The following PPARGC1A variants were observed in gnomAD, a reference collection of about 807,000 sequenced individuals.
PPARGC1A encodes the protein peroxisome proliferator-activated receptor gamma coactivator 1-alpha.
PPARGC1A carries 25 observed loss-of-function variants against 88.7 expected under a neutral mutation model. The ratio of observed to expected loss-of-function variants is 0.28; its 90% CI spans 0.21 to 0.39. PPARGC1A has a LOEUF of 0.39. Among genes scored for constraint, PPARGC1A ranks in the 10% least tolerant of loss-of-function variants. The probability of loss-of-function intolerance (pLI) is 1.00; values close to 1 mark genes in which losing one functional copy is unlikely to be tolerated. For synonymous variants in PPARGC1A, 363 were observed against 355.6 expected, an observed-to-expected ratio of 1.02 and a Z score of -0.24; for missense variants, 880 against 968.7, an observed-to-expected ratio of 0.91 and a Z score of 1.22.
the PPARGC1A span, among the ~76,000 whole-genome samples, chr4:24,081,943 C>T: frequency 4.6e-5 from 7 of 151,738 alleles, no homozygotes; most frequent in Admixed American, 3.9e-4. Flanking sequence ...GCCACTTCCT[C>T]GATAAGGCTT....
the PPARGC1A span, among the ~76,000 whole-genome samples, chr4:24,142,556 C>A: frequency 1.4e-4 from 22 of 152,178 alleles, no homozygotes; most frequent in African/African-American, 5.3e-4. Context: ...TGCCTGTTAT[C>A]CCAGCTACTT....
At chr4:24,137,962 T>G in the PPARGC1A span, among the ~76,000 whole-genome samples, 1 of 152,122 alleles carries the variant, frequency 6.6e-6, no homozygotes. Context: ...AACATGATCA[T>G]AAAAACCTTT....
At chr4:23,847,992 T>G (rs1392191405) in intron 2 of PPARGC1A, among the ~76,000 whole-genome samples, 1 of 152,086 alleles carries the variant, frequency 6.6e-6, no homozygotes, top group Non-Finnish European at 1.5e-5. Context: ...TTAATCAAAG[T>G]CAGCCCAGGT....
the PPARGC1A span, among the ~76,000 whole-genome samples, chr4:24,143,153 G>A: frequency 6.6e-6 from 1 of 152,148 alleles, no homozygotes; most frequent in East Asian, 1.9e-4. Flanking sequence ...GGGTAAAGGA[G>A]AATTATGAAG....
chr4:23,991,240 G>A, the PPARGC1A span, among the ~76,000 whole-genome samples: 1 of 152,006 alleles, frequency 6.6e-6, no homozygotes, highest in Admixed American at 6.6e-5. Flanking sequence ...GTTTTGAGAA[G>A]GGATGTAAAA....
chr4:24,129,902 A>G, the PPARGC1A span, among the ~76,000 whole-genome samples: 1 of 152,190 alleles, frequency 6.6e-6, no homozygotes, highest in Non-Finnish European at 1.5e-5. Context: ...CAAGGACAAA[A>G]AAACCAAACA....
chr4:24,370,104 C>A, the PPARGC1A span, among the ~76,000 whole-genome samples: 2 of 152,182 alleles, frequency 1.3e-5, no homozygotes. Flanking sequence ...CAGGCAACAG[C>A]GTCTAGTTAA....
chr4:24,358,323 T>C, the PPARGC1A span, among the ~76,000 whole-genome samples: 1 of 152,336 alleles, frequency 6.6e-6, no homozygotes, highest in South Asian at 2.1e-4. Context: ...ACCCTCTGAA[T>C]TAGGTACTAT....
At chr4:23,911,470 A>G in the PPARGC1A span, among the ~76,000 whole-genome samples, 3 of 152,216 alleles carry the variant, frequency 2.0e-5, no homozygotes, top group Admixed American at 1.3e-4. Context: ...GATGACAGAT[A>G]CAATATAGAG....
chr4:24,052,749 T>C, the PPARGC1A span, among the ~76,000 whole-genome samples: 2 of 152,056 alleles, frequency 1.3e-5, no homozygotes, highest in Non-Finnish European at 2.9e-5. Flanking sequence ...CTTTTCTCCC[T>C]GTCTTCTTTA....
chr4:24,444,678 C>T, the PPARGC1A span, among the ~76,000 whole-genome samples: 2 of 152,108 alleles, frequency 1.3e-5, no homozygotes, highest in Non-Finnish European at 2.9e-5. Context: ...CTAGCAAAGA[C>T]CACCTTAAAC....
chr4:23,802,078 G>T, intron 11 of PPARGC1A, 146 bp downstream of exon 11: 1 of 1,303,128 alleles, frequency 7.7e-7, no homozygotes, highest in Non-Finnish European at 1.1e-6. Flanking sequence ...TAATAAACAG[G>T]GATGAAAGAA....
At chr4:24,122,960 T>C in the PPARGC1A span, among the ~76,000 whole-genome samples, 3 of 152,254 alleles carry the variant, frequency 2.0e-5, no homozygotes, top group South Asian at 2.1e-4. Context: ...TAGAATTGGC[T>C]CATCCTCCCT....
chr4:23,861,434 T>C (rs999326311), intron 2 of PPARGC1A, among the ~76,000 whole-genome samples: 17 of 152,302 alleles, frequency 1.1e-4, no homozygotes, highest in African/African-American at 4.1e-4. Flanking sequence ...TAAATGTCAT[T>C]CATTCATTCC....
the PPARGC1A span, among the ~76,000 whole-genome samples, chr4:24,358,789 A>C: frequency 6.6e-6 from 1 of 152,236 alleles, no homozygotes; most frequent in Non-Finnish European, 1.5e-5. Context: ...CATAATGTGA[A>C]GATGACCTCC....
chr4:24,273,345 G>A, the PPARGC1A span, among the ~76,000 whole-genome samples: 1 of 152,190 alleles, frequency 6.6e-6, no homozygotes, highest in Non-Finnish European at 1.5e-5. Flanking sequence ...TTCCTGTCGT[G>A]TCTTTCTTTA....
chr4:24,278,995 T>A, the PPARGC1A span, among the ~76,000 whole-genome samples: 1 of 122,562 alleles, frequency 8.2e-6, no homozygotes, highest in African/African-American at 2.8e-5. Flanking sequence ...ATAGAAACTG[T>A]TTGTTCCTGG....
At chr4:23,915,289 G>A in the PPARGC1A span, among the ~76,000 whole-genome samples, 1 of 152,100 alleles carries the variant, frequency 6.6e-6, no homozygotes, top group Non-Finnish European at 1.5e-5. Flanking sequence ...GGAAGTAAAT[G>A]CTAGAACATA....
At chr4:24,141,868 G>A in the PPARGC1A span, among the ~76,000 whole-genome samples, 13 of 152,264 alleles carry the variant, frequency 8.5e-5, no homozygotes, top group Admixed American at 7.2e-4. Context: ...TCTGCAGGTT[G>A]ATAGGTTCTA....
Sources: allele counts gnomAD v4.1 joint callset (sites outside exome capture counted in the v4.1 genomes callset), GRCh38; gene constraint gnomAD v4.1.1; transcripts MANE v1.5; gene names NCBI Gene and HGNC (gene_info 2026-07-23, HGNC 2026-07-21).